Variants in TNNI3K observed in about 807,000 individuals in gnomAD.
TNNI3K encodes the protein TNNI3 interacting kinase.
In TNNI3K, 140 loss-of-function variants were observed where a neutral mutation model predicts 114.5. The ratio of observed to expected loss-of-function variants is 1.22; its 90% CI spans 1.07 to 1.41. TNNI3K has a LOEUF of 1.41. TNNI3K is among the 40% of genes most tolerant of loss of function. The pLI is 0.00. For synonymous variants in TNNI3K, 347 were observed against 347.5 expected (o/e 1.00, Z 0.02); for missense variants, 1,125 against 1,007.6 (o/e 1.12, Z -1.58).
chr1:74,451,776 T>C (rs1384796691), intron 20 of TNNI3K, among the ~76,000 whole-genome samples: 1 of 145,218 alleles, frequency 6.9e-6, no homozygotes, highest in Non-Finnish European at 1.5e-5. Context: ...TCTTCTTTTC[T>C]TTGCCTTTTT....
At chr1:74,243,272 T>C (rs1557444337) in intron 2 of TNNI3K, among the ~76,000 whole-genome samples, 1 of 152,196 alleles carries the variant, frequency 6.6e-6, no homozygotes, top group African/African-American at 2.4e-5. Flanking sequence ...AATATATTTC[T>C]GGATATTTCT....
chr1:74,422,171 T>C (rs1446064325), intron 17 of TNNI3K, among the ~76,000 whole-genome samples: 1 of 151,910 alleles, frequency 6.6e-6, no homozygotes, highest in African/African-American at 2.4e-5. Flanking sequence ...GGTTATGTAT[T>C]CTTGTTCTCA....
At chr1:74,327,643 CT>C (rs370112714) in intron 5 of TNNI3K, among the ~76,000 whole-genome samples, 9,270 of 113,620 alleles carry the variant, frequency 0.082, 407 homozygotes, top group South Asian at 0.18. Context: ...TCAGATATGT[CT>C]TTTTATATAT....
intron 23 of TNNI3K, among the ~76,000 whole-genome samples, chr1:74,528,361 C>T (rs1309431172): frequency 2.0e-5 from 3 of 151,956 alleles, no homozygotes; most frequent in Admixed American, 6.6e-5. Flanking sequence ...AAGTGAGGAG[C>T]GGACCCACTT....
intron 6 of TNNI3K, 23 bp downstream of exon 6, chr1:74,331,571 C>T (rs1296832318): frequency 1.9e-6 from 3 of 1,600,450 alleles, no homozygotes; most frequent in Non-Finnish European, 2.6e-6. Context: ...GTAGGATTTC[C>T]AAAGGTTAGG....
At chr1:74,350,129 A>G (rs1487214360) in intron 9 of TNNI3K, among the ~76,000 whole-genome samples, 1 of 151,734 alleles carries the variant, frequency 6.6e-6, no homozygotes, top group Non-Finnish European at 1.5e-5. Context: ...ATTTCCCTCT[A>G]CACACTGCTT....
At chr1:74,291,903 A>G (rs1657699737) in intron 5 of TNNI3K, among the ~76,000 whole-genome samples, 5 of 151,488 alleles carry the variant, frequency 3.3e-5, no homozygotes, top group Admixed American at 2.6e-4. Flanking sequence ...TAAAAAGCTT[A>G]TATTTTCCTT....
intron 4 of TNNI3K, among the ~76,000 whole-genome samples, chr1:74,258,840 T>G (rs1655492422): frequency 6.6e-6 from 1 of 152,240 alleles, no homozygotes; most frequent in Non-Finnish European, 1.5e-5. Context: ...ACGTTTAAAA[T>G]GAATATTTCC....
At chr1:74,535,920 T>A (rs1016248347) in intron 23 of TNNI3K, among the ~76,000 whole-genome samples, 4 of 152,194 alleles carry the variant, frequency 2.6e-5, no homozygotes, top group African/African-American at 9.6e-5. Flanking sequence ...CTGTATGTTC[T>A]AGCCTATTGA....
At chr1:74,257,663 C>CTTTTTTT (rs66853287) in intron 4 of TNNI3K, among the ~76,000 whole-genome samples, 5 of 87,238 alleles carry the variant, frequency 5.7e-5, no homozygotes, top group African/African-American at 1.1e-4. Context: ...TGGCTTACCT[C>CTTTTTTT]TTTTTTTTTT....
At chr1:74,460,999 C>T (rs182487169) in intron 20 of TNNI3K, among the ~76,000 whole-genome samples, 254 of 152,286 alleles carry the variant, frequency 1.7e-3, no homozygotes, top group African/African-American at 5.9e-3. Context: ...ACTAGTCCCT[C>T]CCCACCCATT....
At chr1:74,266,371 G>A (rs921585770) in intron 4 of TNNI3K, among the ~76,000 whole-genome samples, 1 of 151,916 alleles carries the variant, frequency 6.6e-6, no homozygotes, top group Non-Finnish European at 1.5e-5. Context: ...ATAGATCAGG[G>A]CTCCCAGAGT....
At chr1:74,528,719 C>T (rs999060570) in intron 23 of TNNI3K, among the ~76,000 whole-genome samples, 1 of 152,196 alleles carries the variant, frequency 6.6e-6, no homozygotes, top group African/African-American at 2.4e-5. Flanking sequence ...TGTTTACACA[C>T]CTATGTATGC....
At chr1:74,542,040 G>C (rs570696217) in intron 24 of TNNI3K, among the ~76,000 whole-genome samples, 1 of 152,210 alleles carries the variant, frequency 6.6e-6, no homozygotes, top group African/African-American at 2.4e-5. Flanking sequence ...ACTTGGTTCA[G>C]TCTTTTCCTA....
chr1:74,247,218 C>A (rs968810165), intron 2 of TNNI3K, among the ~76,000 whole-genome samples: 8 of 152,108 alleles, frequency 5.3e-5, no homozygotes, highest in Admixed American at 2.6e-4. Flanking sequence ...GGTCTGCTGG[C>A]TTCAGGAGTG....
At chr1:74,400,977 T>C (rs1444924824) in intron 17 of TNNI3K, among the ~76,000 whole-genome samples, 1 of 152,210 alleles carries the variant, frequency 6.6e-6, no homozygotes, top group Non-Finnish European at 1.5e-5. Context: ...TTGACCTTGG[T>C]AGTACTTGGA....
At chr1:74,516,717 C>T (rs1646353367) in intron 23 of TNNI3K, among the ~76,000 whole-genome samples, 1 of 152,098 alleles carries the variant, frequency 6.6e-6, no homozygotes, top group Non-Finnish European at 1.5e-5. Context: ...CTTGTATATT[C>T]CCCATCACTA....
intron 11 of TNNI3K, among the ~76,000 whole-genome samples, chr1:74,354,422 A>C (rs1468749093): frequency 6.6e-6 from 1 of 151,574 alleles, no homozygotes; most frequent in African/African-American, 2.4e-5. Context: ...ATGATAGTAG[A>C]GTGGGCTCAG....
intron 11 of TNNI3K, among the ~76,000 whole-genome samples, chr1:74,356,603 G>A (rs915889930): frequency 2.0e-5 from 3 of 152,166 alleles, no homozygotes; most frequent in African/African-American, 7.2e-5. Context: ...CTTCCGGAAG[G>A]CAGCTCAGAA....
Sources: gnomAD v4.1 joint callset for allele counts (sites outside exome capture counted in the v4.1 genomes callset) on GRCh38, gnomAD v4.1.1 for gene constraint, MANE v1.5 for transcripts, NCBI Gene and HGNC (gene_info 2026-07-23, HGNC 2026-07-21) for gene names.